GDPD2: variants seen among roughly 807,000 people sequenced by gnomAD.
GDPD2 encodes the protein glycerophosphodiester phosphodiesterase 3.
GDPD2 carries 23 observed loss-of-function variants against 49.2 expected under a neutral mutation model. The ratio of observed to expected loss-of-function variants is 0.47; its 90% CI spans 0.34 to 0.66. The LOEUF is 0.66. Ranked by LOEUF, GDPD2 falls within the 30% of genes least tolerant of loss-of-function variation. GDPD2 has a pLI of 0.01. For synonymous variants in GDPD2, 167 were observed against 171.4 expected (o/e 0.97, Z 0.20); for missense variants, 338 against 424.7 (o/e 0.80, Z 1.79).
chrX:70,426,413 G>A lies in GDPD2; in HGVS notation c.406G>A (p.Val136Met). ...LIMLLVAAGL[V>M]GLDIQWQQEW... ...TATGCTGCTTGTGGCGGCTGGCCTT[G>A]TGGGACTGGACATCCAATGGCAGCA... The change falls in exon 6 of 16, where the codon GTG becomes ATG. Residue 136 changes from valine to methionine, a missense_variant. Around this residue, in one of 3 missense-constraint regions of GDPD2, gnomAD observed 253 missense variants for 330.4 expected, o/e 0.77. Coordinates refer to ENST00000374382, the MANE Select transcript of GDPD2 (RefSeq NM_017711.4). 2 of 1,211,834 alleles carry A rather than the reference G, an allele frequency of 1.7e-6. No homozygotes were observed. Among genetic ancestry groups the A allele is most frequent in the South Asian group, 1.8e-5 (1 of 56,921 alleles).
intron 1 of GDPD2, among the ~76,000 whole-genome samples, chrX:70,423,698 C>T (rs1399782654): frequency 9.0e-6 from 1 of 111,098 alleles, no homozygotes; most frequent in Non-Finnish European, 1.9e-5. Context: ...GGAAGGGTCT[C>T]GTAGAGGGGA....
At position 70,425,777 on chromosome X, in the gene GDPD2, G is replaced by T; in HGVS notation, c.224G>T (p.Arg75Leu). The T allele has an allele frequency of 8.5e-7, 1 of 1,182,665 alleles. No homozygotes were observed. The highest frequency in any genetic ancestry group is 1.1e-6 in the Non-Finnish European group (1 of 873,794). ...CCCTCCCACAGATTCCTCTTCCGCC[G>T]CTGGGGACACTGGATGGACTGGTCC... Reference protein sequence around the residue: ...LHNFNEFLFRRWGHWMDWSLA... With the variant: ...LHNFNEFLFRLWGHWMDWSLA... The change falls in exon 4 of 16, where the codon CGC becomes CTC. Residue 75 changes from arginine (R) to leucine (L), a missense_variant. Physicochemically the swap from Arg to Leu is moderately radical, Grantham distance 102. Transcript: ENST00000374382.
Position 70,426,975 on chromosome X carries a change from C to T in GDPD2, c.666C>T (p.Pro222=), listed in dbSNP as rs2086430992. 2.0e-5 allele frequency: 24 copies of T among 1,211,061 alleles called. No homozygotes were observed. Among genetic ancestry groups the T allele is most frequent in the Non-Finnish European group, 2.3e-5 (21 of 894,929 alleles). ...TCATGGAACCCAGAGACTTACCACC[C>T]AAGCCTGGGCTGGTGGGACACCGAG... ...PCIMEPRDLP[P]KPGLVGHRGA... The change falls in exon 8 of 16, where the codon CCC becomes CCT. Residue 222 remains proline, a synonymous_variant. Coordinates refer to ENST00000374382, the MANE Select transcript of GDPD2 (RefSeq NM_017711.4).
chrX:70,428,264 A>G (rs747531646), intron 10 of GDPD2, among the ~76,000 whole-genome samples: 2 of 112,420 alleles, frequency 1.8e-5, no homozygotes, highest in African/African-American at 6.5e-5. Context: ...TATTCAATAC[A>G]TCACATGAGA....
Position 70,432,951 on chromosome X carries a change from T to A in GDPD2, c.1567+11T>A. 8.4e-7 allele frequency: 1 copy of A among 1,189,235 alleles called. No individual in the cohort carries two copies. The highest frequency in any genetic ancestry group is 1.1e-6 in the Non-Finnish European group (1 of 875,318). Reference sequence around the variant, plus strand: ...AGAGAGGGAAAACTGGTAAGAACTTTCTCCCCTCACCTCATGTTTCTCCTC... The same window carrying A: ...AGAGAGGGAAAACTGGTAAGAACTTACTCCCCTCACCTCATGTTTCTCCTC... On this transcript the variant is annotated intron_variant, in intron 15 of 15. Transcript: ENST00000374382.
chrX:70,425,544 TC>T, intron 3 of GDPD2, 87 bp downstream of exon 3: 1 of 644,598 alleles, frequency 1.6e-6, no homozygotes, highest in Non-Finnish European at 2.6e-6. Flanking sequence ...CTGTCAGTCA[TC>T]CCCCAGCCCT....
chrX:70,426,650 C>T lies in GDPD2; in HGVS notation c.465C>T (p.Ala155=). ...EWHSLRVSLQ[A]TAPFLHIGAA... is the part of the protein sequence containing the mutation. ...ACCTCACCAGCTCTTGTCCACAGGC[C>T]ACAGCCCCATTCCTTCATATTGGAG... Residue 155 remains alanine, a splice_region_variant and synonymous_variant, in exon 7 of 16, where the codon GCC becomes GCT. Coordinates refer to ENST00000374382, the MANE Select transcript of GDPD2 (RefSeq NM_017711.4). The T allele has an allele frequency of 8.3e-7, 1 of 1,202,312 alleles. No homozygotes were observed. The highest frequency in any genetic ancestry group is 1.1e-6 in the Non-Finnish European group (1 of 888,233).
intron 2 of GDPD2, 65 bp downstream of exon 2, chrX:70,425,154 G>A: frequency 2.5e-6 from 2 of 810,139 alleles, no homozygotes; most frequent in Non-Finnish European, 3.6e-6. Flanking sequence ...AGGGGATAAG[G>A]AGGCCAATTG....
chrX:70,428,329 G>A (rs1191672793), intron 10 of GDPD2, among the ~76,000 whole-genome samples: 1 of 112,230 alleles, frequency 8.9e-6, no homozygotes, highest in Non-Finnish European at 1.9e-5. Context: ...TTGCCTAACT[G>A]TAGGCTAATG....
chrX:70,423,856 G>A (rs751941914), intron 1 of GDPD2, among the ~76,000 whole-genome samples: 6 of 111,220 alleles, frequency 5.4e-5, no homozygotes, highest in South Asian at 7.7e-4. Context: ...CCATAGCCTC[G>A]GGAGAGCTCT....
intron 5 of GDPD2, 127 bp from the exon 6 acceptor site, chrX:70,426,244 G>C (rs1161304270): frequency 1.3e-6 from 1 of 778,213 alleles, no homozygotes; most frequent in East Asian, 3.3e-5. Context: ...AGTGTTGAGT[G>C]AAAGGAGGAA....
chrX:70,433,127 C>T lies in GDPD2; in HGVS notation c.*41C>T, dbSNP rs1416902732. ...TCCCCACCCAAGCCAGTCTACATTGCCCAAACAGCAAGGGTTGGAGAGTGG... is the reference window on the plus strand; with the variant it reads ...TCCCCACCCAAGCCAGTCTACATTGTCCAAACAGCAAGGGTTGGAGAGTGG... On this transcript the variant is annotated 3_prime_UTR_variant, in exon 16 of 16. Transcript: ENST00000374382. 9.6e-7 allele frequency: 1 copy of T among 1,039,337 alleles called. No individual in the cohort carries two copies. The highest frequency in any genetic ancestry group is 1.3e-6 in the Non-Finnish European group (1 of 742,477). The allele number at this position is 1,039,337 out of a possible 1,213,427, so 85.7% of individuals were successfully genotyped here.
chrX:70,432,740 A>G, intron 14 of GDPD2, 79 bp downstream of exon 14: 1 of 783,754 alleles, frequency 1.3e-6, no homozygotes, highest in Non-Finnish European at 2.0e-6. Flanking sequence ...AGACTCACAT[A>G]TGCTGCCCAA....
At chrX:70,426,794 C>T in intron 7 of GDPD2, 53 bp downstream of exon 7, 1 of 1,172,813 alleles carries the variant, frequency 8.5e-7, no homozygotes, top group Non-Finnish European at 1.2e-6. Flanking sequence ...GCTCTGCCAC[C>T]TGCACTCTGC....
Position 70,432,646 on chromosome X carries a change from C to T in GDPD2, c.1523C>T (p.Thr508Ile). ...GTTTCCACCATGCTGCTTTTGTGGACCTTCCTCCTCCAAAGGTGAGTGCTT... is the reference window on the plus strand; with the variant it reads ...GTTTCCACCATGCTGCTTTTGTGGATCTTCCTCCTCCAAAGGTGAGTGCTT... The part of the protein sequence containing the change: ...NCVSTMLLLW[T>I]FLLQRRFVKK... Residue 508 changes from threonine (T) to isoleucine (I), a missense_variant, in exon 14 of 16, where the codon ACC (threonine) becomes ATC (isoleucine). By Grantham distance (89) the Thr-to-Ile change is moderately conservative. Coordinates refer to ENST00000374382, the MANE Select transcript of GDPD2 (RefSeq NM_017711.4). The T allele has an allele frequency of 8.4e-7, 1 of 1,192,613 alleles. No individual in the cohort carries two copies. The highest frequency in any genetic ancestry group is 1.1e-6 in the Non-Finnish European group (1 of 878,154).
chrX:70,429,132 G>A (rs1225717820), intron 10 of GDPD2, among the ~76,000 whole-genome samples: 1 of 111,763 alleles, frequency 8.9e-6, no homozygotes, highest in East Asian at 2.8e-4. Context: ...AAAGGGAGCT[G>A]AGAGTGCTAT....
Position 70,425,034 on chromosome X carries a change from G to A in GDPD2, c.50G>A (p.Cys17Tyr), listed in dbSNP as rs2086407805. The change falls in exon 2 of 16, where the codon TGC (cysteine) becomes TAC (tyrosine). Residue 17 changes from cysteine to tyrosine, a missense_variant. By Grantham distance (194) the Cys-to-Tyr change is radical. Around this residue, in one of 3 missense-constraint regions of GDPD2, gnomAD observed 75 missense variants for 67.6 expected, o/e 1.11. Transcript: ENST00000374382. ...CCSVWARCLH[C>Y]LYSCHWRKCP... is the part of the protein sequence containing the mutation. ...TCCGTCTGGGCCCGCTGCCTCCACT[G>A]CCTGTATAGCTGCCACTGGAGGAAA... 2 of 1,201,652 alleles carry A rather than the reference G, an allele frequency of 1.7e-6. No individual in the cohort carries two copies.
chrX:70,430,667 C>G (rs191345501), intron 12 of GDPD2, among the ~76,000 whole-genome samples: 12 of 111,943 alleles, frequency 1.1e-4, no homozygotes, highest in African/African-American at 3.9e-4. Flanking sequence ...AGAAGCTGAC[C>G]CAGCTGAACC....
At position 70,425,410 on chromosome X, in the gene GDPD2, G is replaced by C; in HGVS notation, c.162G>C (p.Trp54Cys). Residue 54 changes from tryptophan (W) to cysteine (C), a missense_variant, in exon 3 of 16, where the codon TGG becomes TGC. By Grantham distance (215) the Trp-to-Cys change is radical. Transcript: ENST00000374382. Reference protein sequence around the residue: ...LFLTFLLSLSWLYIGLVLLND... With the variant: ...LFLTFLLSLSCLYIGLVLLND... ...TCACCTTCCTCCTTTCCCTGAGCTGGCTGTACATCGGGCTCGTCCTTCTCA... is the reference window on the plus strand; with the variant it reads ...TCACCTTCCTCCTTTCCCTGAGCTGCCTGTACATCGGGCTCGTCCTTCTCA... 8.3e-7 allele frequency: 1 copy of C among 1,203,852 alleles called. No homozygotes were observed. The highest frequency in any genetic ancestry group is 3.0e-5 in the East Asian group (1 of 33,797).
Sources: gnomAD v4.1 joint callset for allele counts (sites outside exome capture counted in the v4.1 genomes callset) on GRCh38, gnomAD v4.1.1 for gene constraint, gnomAD v4.1.1 regional missense constraint, MANE v1.5 for transcripts, NCBI Gene and HGNC (gene_info 2026-07-23, HGNC 2026-07-21) for gene names.